ARHGAP4: variants seen among roughly 807,000 people sequenced by gnomAD.
ARHGAP4 encodes the protein Rho GTPase activating protein 4.
In ARHGAP4, 25 loss-of-function variants were observed where a neutral mutation model predicts 67.6. That is an observed-to-expected ratio of 0.37 (90% CI 0.27 to 0.52). The LOEUF (loss-of-function observed/expected upper bound fraction) is 0.52, where lower values mean the gene tolerates loss of function less well. Ranked by LOEUF, ARHGAP4 falls within the 20% of genes least tolerant of loss-of-function variation. The pLI, the probability that ARHGAP4 is intolerant of heterozygous loss-of-function variation, is 0.92. For missense variants in ARHGAP4, 804 were observed against 854.6 expected, an observed-to-expected ratio of 0.94 and a Z score of 0.74; for synonymous variants, 448 against 373.7, an observed-to-expected ratio of 1.20 and a Z score of -2.29.
rs200637748 is a variant in ARHGAP4, at chrX:153,910,272, C to G, written c.2055G>C (p.Gln685His). The change falls in exon 17 of 22, where the codon CAG becomes CAC. Residue 685 changes from glutamine to histidine, a missense_variant. Physicochemically the swap from Gln to His is conservative, Grantham distance 24. Coordinates refer to ENST00000350060, the MANE Select transcript of ARHGAP4 (RefSeq NM_001666.5). ...CCCGATCGGGCTGCACTATGAGCGT[C>G]TGCACCAGCTGGTTCACCCGGCCCT... ...ALQGRVNQLV[Q>H]TLIVQPDRVF... The G allele has an allele frequency of 4.9e-5, 59 of 1,209,043 alleles. No homozygotes were observed. In the East Asian group the frequency reaches 1.2e-3, roughly 26 times the overall value.
At chrX:153,921,554 G>A in intron 2 of ARHGAP4, 27 bp from the exon 3 acceptor site, 2 of 1,200,772 alleles carry the variant, frequency 1.7e-6, no homozygotes, top group Non-Finnish European at 2.2e-6. Flanking sequence ...ACTGAGACCT[G>A]GGAGCGGAGC....
chrX:153,916,509 G>A (rs1238102602), intron 7 of ARHGAP4, among the ~76,000 whole-genome samples: 2 of 113,015 alleles, frequency 1.8e-5, no homozygotes, highest in Non-Finnish European at 3.8e-5. Flanking sequence ...AGCAGAGTGA[G>A]CCCCCAGCCC....
rs145982906 is a variant in ARHGAP4, at chrX:153,909,480, T to G, written c.2470A>C (p.Ser824Arg). ...GLQTAGESGS[S>R]PEGLLASELV... is the part of the protein sequence containing the mutation. ...TCCGATGCCAGGAGGCCCTCGGGAC[T>G]GCTCCCAGACTCCCCTGCAGTCTGC... The change falls in exon 20 of 22, where the codon AGT (serine) becomes CGT (arginine). Residue 824 changes from serine (S) to arginine (R), a missense_variant. By Grantham distance (110) the Ser-to-Arg change is moderately radical. Around this residue, in one of 2 missense-constraint regions of ARHGAP4, gnomAD observed 400 missense variants for 348.7 expected, o/e 1.15. Transcript: ENST00000350060. 13,788 of 1,208,216 alleles carry G rather than the reference T, an allele frequency of 0.011. 72 individuals are homozygous for G. Among genetic ancestry groups the G allele is most frequent in the Non-Finnish European group, 0.014 (12,690 of 894,125 alleles).
chrX:153,921,488 C>T lies in ARHGAP4; in HGVS notation c.312G>A (p.Ala104=), dbSNP rs781908085. 70 of 1,196,549 alleles carry T rather than the reference C, an allele frequency of 5.9e-5. No individual in the cohort carries two copies. Among genetic ancestry groups the T allele is most frequent in the Non-Finnish European group, 7.5e-5 (67 of 888,296 alleles). The change falls in exon 3 of 22, where the codon GCG becomes GCA. Residue 104 remains alanine, a synonymous_variant. Coordinates refer to ENST00000350060, the MANE Select transcript of ARHGAP4 (RefSeq NM_001666.5). ...GCTGCCGCGTGTGCTGCAGCAGCACCGCCCAGCAGTGCAAGGGCGACAGGA... is the reference window on the plus strand; with the variant it reads ...GCTGCCGCGTGTGCTGCAGCAGCACTGCCCAGCAGTGCAAGGGCGACAGGA... The part of the protein sequence containing the change: ...PSLLSPLHCW[A]VLLQHTRQQS...
chrX:153,914,969 CT>C (rs1358718183), intron 7 of ARHGAP4, among the ~76,000 whole-genome samples: 1 of 112,433 alleles, frequency 8.9e-6, no homozygotes, highest in Admixed American at 9.4e-5. Context: ...GAGGATTCAG[CT>C]GTGGCTAAAC....
intron 1 of ARHGAP4, chrX:153,922,185 C>T: frequency 7.0e-6 from 6 of 860,020 alleles, no homozygotes; most frequent in Non-Finnish European, 8.5e-6. Flanking sequence ...GTTTCCCCTG[C>T]GACTTCCTTT....
At position 153,909,539 on chromosome X, in the gene ARHGAP4, C is replaced by A. The variant is rs41299128; in HGVS notation, c.2415-4G>T. ...GCCCACCACCTGCTTCTCCGTCCTG[C>A]GGTGGGAAGGACCGGCCTGTTTCGA... is the stretch of plus-strand genomic sequence containing the variant. On this transcript the variant is annotated splice_region_variant and splice_polypyrimidine_tract_variant and intron_variant, in intron 19 of 21. Transcript: ENST00000350060. 4 of 1,199,544 alleles carry A rather than the reference C, an allele frequency of 3.3e-6. No homozygotes were observed. Among genetic ancestry groups the A allele is most frequent in the African/African-American group, 1.8e-5 (1 of 56,875 alleles).
rs1437663700 is a variant in ARHGAP4 at position 153,924,589 on chromosome X, C to T, written c.67+1547G>A. Among the ~76,000 whole-genome samples the T allele has an allele frequency of 5.4e-5, 6 of 111,827 alleles. No individual in the cohort carries two copies. The South Asian group carries it at 1.1e-3, about 21-fold the overall frequency. ...CATGTGAGGGCGGGGTGGCCACTGA[C>T]GCCATTTGAAATCAGGGGAGTCCTC... On this transcript the variant is annotated intron_variant, in intron 1 of 21. Coordinates refer to ENST00000350060, the MANE Select transcript of ARHGAP4 (RefSeq NM_001666.5).
In ARHGAP4 at chrX:153,923,330, T is replaced by C. The variant is rs1229641350; in HGVS notation, c.68-1521A>G. ...CCCGCCAGTGACTTCCCAGGGGCTG[T>C]TGCATGGGGACCCTGTGGGTTCCGC... On this transcript the variant is annotated intron_variant, in intron 1 of 21. Coordinates refer to ENST00000350060, the MANE Select transcript of ARHGAP4 (RefSeq NM_001666.5). Among the ~76,000 whole-genome samples the C allele has an allele frequency of 2.3e-4, 26 of 111,750 alleles. No individual in the cohort carries two copies. In the Admixed American group the frequency reaches 2.5e-3, roughly 11 times the overall value.
chrX:153,925,973 C>A (rs889139139), intron 1 of ARHGAP4, among the ~76,000 whole-genome samples, 163 bp downstream of exon 1: 8 of 112,601 alleles, frequency 7.1e-5, no homozygotes, highest in African/African-American at 2.6e-4. Flanking sequence ...GCCAAATGGG[C>A]GTCGGGAGGC....
chrX:153,913,653 C>T, intron 8 of ARHGAP4, 53 bp from the exon 9 acceptor site: 2 of 1,174,567 alleles, frequency 1.7e-6, no homozygotes, highest in Non-Finnish European at 1.2e-6. Context: ...GGGAGGGAGA[C>T]AGGAAGTCCA....
chrX:153,921,931 C>T (rs1240716676), intron 1 of ARHGAP4, 122 bp from the exon 2 acceptor site: 25 of 904,848 alleles, frequency 2.8e-5, no homozygotes, highest in Non-Finnish European at 3.7e-5. Context: ...AGGGCTCCTT[C>T]GGACCCAGCC....
In ARHGAP4 at chrX:153,910,180, C is replaced by G. The variant is rs782097895; in HGVS notation, c.2147G>C (p.Ser716Thr). The change falls in exon 17 of 22, where the codon AGC becomes ACC. Residue 716 changes from serine (S) to threonine (T), a missense_variant. Physicochemically the swap from Ser to Thr is moderately conservative, Grantham distance 58. Coordinates refer to ENST00000350060, the MANE Select transcript of ARHGAP4 (RefSeq NM_001666.5). ...YEKCMAPPSA[S>T]CLGDAQLESL... ...AGCACCAAGGGTGTACCCCAGGCAG[C>G]TGGCGGAAGGCGGTGCCATGCACTT... The G allele has an allele frequency of 4.1e-6, 5 of 1,211,393 alleles. No homozygotes were observed. In the Admixed American group the frequency reaches 1.1e-4, roughly 26 times the overall value.
chrX:153,912,624 C>T (rs2065028743), intron 12 of ARHGAP4, 76 bp downstream of exon 12: 6 of 890,309 alleles, frequency 6.7e-6, no homozygotes, highest in South Asian at 4.6e-5. Flanking sequence ...GCAGCTGCTC[C>T]GGCCACTGAG....
chrX:153,920,009 A>C (rs1189188399), intron 5 of ARHGAP4, among the ~76,000 whole-genome samples: 4 of 109,291 alleles, frequency 3.7e-5, no homozygotes, highest in African/African-American at 1.3e-4. Flanking sequence ...CTGATCTTGA[A>C]CTCCTGACTT....
intron 21 of ARHGAP4, among the ~76,000 whole-genome samples, chrX:153,908,245 C>T (rs1287030121): frequency 8.9e-6 from 1 of 112,263 alleles, no homozygotes; most frequent in Non-Finnish European, 1.9e-5. Context: ...GATCACAGCC[C>T]CCTGCCCATG....
chrX:153,919,521 C>T (rs781931483), intron 5 of ARHGAP4: 9 of 1,138,602 alleles, frequency 7.9e-6, no homozygotes, highest in Admixed American at 5.6e-5. Flanking sequence ...CGAGCCACAA[C>T]ATTCCCCACA....
chrX:153,908,960 G>T, intron 21 of ARHGAP4, 110 bp downstream of exon 21: 2 of 810,022 alleles, frequency 2.5e-6, no homozygotes, highest in Non-Finnish European at 3.6e-6. Flanking sequence ...TTGAGCTAAG[G>T]CCAGGGAGGG....
chrX:153,911,097 C>T (rs782629689), intron 13 of ARHGAP4, 32 bp downstream of exon 13: 19 of 1,164,841 alleles, frequency 1.6e-5, no homozygotes, highest in Non-Finnish European at 2.2e-5. Context: ...TGCTGGGTGC[C>T]AGGACATCGG....
Sources: allele counts gnomAD v4.1 joint callset (sites outside exome capture counted in the v4.1 genomes callset), GRCh38; gene constraint gnomAD v4.1.1; regional missense constraint gnomAD v4.1.1; transcripts MANE v1.5; gene names NCBI Gene and HGNC (gene_info 2026-07-23, HGNC 2026-07-21).